Variants in FOXP1 observed in about 807,000 individuals in gnomAD.
The protein encoded by FOXP1 is forkhead box P1.
Under a neutral mutation model 98.2 loss-of-function variants are expected in FOXP1, and 15 were observed. The ratio of observed to expected loss-of-function variants is 0.15; its 90% CI spans 0.10 to 0.24. The LOEUF (loss-of-function observed/expected upper bound fraction) is 0.24. Ranked by LOEUF, FOXP1 falls within the 10% of genes least tolerant of loss-of-function variation. The pLI is 1.00. For missense variants in FOXP1, 633 were observed against 848.5 expected, an observed-to-expected ratio of 0.75 and a Z score of 3.15; for synonymous variants, 371 against 314.5, an observed-to-expected ratio of 1.18 and a Z score of -1.90.
intron 6 of FOXP1, among the ~76,000 whole-genome samples, chr3:71,113,445 A>G (rs2107755424): frequency 6.6e-6 from 1 of 152,280 alleles, no homozygotes; most frequent in South Asian, 2.1e-4. Flanking sequence ...TAAAAGTTCA[A>G]GCAGGCTGGG....
At chr3:71,132,284 T>C (rs2059612161) in intron 6 of FOXP1, among the ~76,000 whole-genome samples, 1 of 152,160 alleles carries the variant, frequency 6.6e-6, no homozygotes. Context: ...AAATGGCTAG[T>C]TATGGAATGA....
At chr3:71,445,829 C>T (rs182809842) in intron 3 of FOXP1, among the ~76,000 whole-genome samples, 24 of 151,920 alleles carry the variant, frequency 1.6e-4, no homozygotes, top group African/African-American at 5.8e-4. Flanking sequence ...CTGCGGATTA[C>T]AGGCACGTGA....
intron 3 of FOXP1, among the ~76,000 whole-genome samples, chr3:71,390,496 G>T (rs1577261633): frequency 6.6e-6 from 1 of 150,462 alleles, no homozygotes; most frequent in Non-Finnish European, 1.5e-5. Context: ...TATCCTTACT[G>T]CAAGGCTTCT....
At chr3:71,026,993 G>A (rs1251341576) in intron 11 of FOXP1, among the ~76,000 whole-genome samples, 2 of 152,142 alleles carry the variant, frequency 1.3e-5, no homozygotes, top group Non-Finnish European at 2.9e-5. Flanking sequence ...CACCAGTAAG[G>A]GCTATTCTGA....
chr3:71,434,250 G>A, intron 3 of FOXP1, among the ~76,000 whole-genome samples: 1 of 152,090 alleles, frequency 6.6e-6, no homozygotes. Flanking sequence ...AGAAAATAAT[G>A]ACGTTAGGCA....
intron 6 of FOXP1, among the ~76,000 whole-genome samples, chr3:71,181,478 T>C (rs938628877): frequency 6.6e-6 from 1 of 152,214 alleles, no homozygotes; most frequent in Non-Finnish European, 1.5e-5. Flanking sequence ...TGGCAAAACT[T>C]GCCCAACTTC....
rs886058855 is a variant in FOXP1 at position 70,958,679 on chromosome 3, AT to A, written c.*567del. 23 of 156,228 alleles carry A rather than the reference AT, an allele frequency of 1.5e-4. No individual in the cohort carries two copies. Among genetic ancestry groups the A allele is most frequent in the African/African-American group, 5.9e-4 (20 of 33,858 alleles). The allele number at this position is 156,228 out of a possible 1,614,324, so 9.7% of individuals were successfully genotyped here. ...ATACATTAAAAAGTTTGGGATAATT[AT>A]TTTTTAACCCCTCCCCCCAATACAC... On this transcript the variant is annotated 3_prime_UTR_variant, in exon 21 of 21. Transcript: ENST00000649528.
At chr3:71,464,625 T>G (rs2088505089) in intron 3 of FOXP1, among the ~76,000 whole-genome samples, 1 of 152,162 alleles carries the variant, frequency 6.6e-6, no homozygotes. Flanking sequence ...AAAACAGCCC[T>G]TCTCCATAGG....
intron 11 of FOXP1, among the ~76,000 whole-genome samples, chr3:71,028,581 G>A (rs2046439358): frequency 6.6e-6 from 1 of 152,210 alleles, no homozygotes; most frequent in African/African-American, 2.4e-5. Context: ...TCTTACAGAA[G>A]TGCTCGCCAA....
intron 6 of FOXP1, among the ~76,000 whole-genome samples, chr3:71,192,884 A>G (rs1445930851): frequency 6.6e-6 from 1 of 152,178 alleles, no homozygotes; most frequent in Non-Finnish European, 1.5e-5. Context: ...TCCTCAGCTC[A>G]AGGAATCTGC....
intron 2 of FOXP1, among the ~76,000 whole-genome samples, chr3:71,518,740 T>C (rs2042760577): frequency 6.6e-6 from 1 of 152,236 alleles, no homozygotes; most frequent in Admixed American, 6.5e-5. Flanking sequence ...GTTTGAGTCA[T>C]TAAACATTTG....
intron 4 of FOXP1, among the ~76,000 whole-genome samples, chr3:71,351,175 G>C (rs1414727411): frequency 6.6e-6 from 1 of 152,184 alleles, no homozygotes; most frequent in Non-Finnish European, 1.5e-5. Context: ...CCAACAGGGA[G>C]CACAGCACAG....
intron 11 of FOXP1, among the ~76,000 whole-genome samples, chr3:71,033,526 T>C (rs945416373): frequency 5.3e-5 from 8 of 149,706 alleles, no homozygotes; most frequent in African/African-American, 9.8e-5. Flanking sequence ...AGGCACTTTA[T>C]TGAGGTAAGG....
chr3:71,435,879 G>A (rs144289656), intron 3 of FOXP1, among the ~76,000 whole-genome samples: 27 of 16,084 alleles, frequency 1.7e-3, no homozygotes, highest in Admixed American at 3.3e-3. Context: ...GAGGGAGGGA[G>A]GAAGGGACGG....
chr3:71,541,930 A>T, intron 2 of FOXP1: 1 of 520,946 alleles, frequency 1.9e-6, no homozygotes, highest in Non-Finnish European at 3.9e-6. Context: ...GACTCTGGTC[A>T]AACTACTCCT....
rs146966951 is a variant in FOXP1, at chr3:71,506,534, C to T, written c.-297-12979G>A. 9.2e-3 allele frequency among the ~76,000 whole-genome samples: 1,403 copies of T among 152,276 alleles called. 29 individuals carry two copies. Among genetic ancestry groups the T allele is most frequent in the African/African-American group, 0.032 (1,333 of 41,536 alleles). ...TAACTTTTCCAACTAAGGGGTTCCACGGTATCCTTCCCCCAGTACCAGGCA... is the reference window on the plus strand; with the variant it reads ...TAACTTTTCCAACTAAGGGGTTCCATGGTATCCTTCCCCCAGTACCAGGCA... On this transcript the variant is annotated intron_variant, in intron 2 of 20. Transcript: ENST00000649528.
intron 4 of FOXP1, among the ~76,000 whole-genome samples, chr3:71,350,545 T>C (rs1441197807): frequency 3.3e-5 from 5 of 152,130 alleles, no homozygotes; most frequent in Non-Finnish European, 1.5e-5. Context: ...AAGAGAAGAA[T>C]GAATAGAAGG....
intron 3 of FOXP1, among the ~76,000 whole-genome samples, chr3:71,376,939 A>T (rs1490358562): frequency 6.6e-6 from 1 of 152,126 alleles, no homozygotes; most frequent in Non-Finnish European, 1.5e-5. Context: ...TTTTTTTTTA[A>T]CCTACAGAAA....
intron 4 of FOXP1, among the ~76,000 whole-genome samples, chr3:71,339,149 T>C (rs1353475616): frequency 6.6e-6 from 1 of 152,244 alleles, no homozygotes; most frequent in Non-Finnish European, 1.5e-5. Flanking sequence ...ATGAAATCTA[T>C]TATGATGTCA....
Sources: gnomAD v4.1 joint callset for allele counts (sites outside exome capture counted in the v4.1 genomes callset) on GRCh38, gnomAD v4.1.1 for gene constraint, MANE v1.5 for transcripts, NCBI Gene and HGNC (gene_info 2026-07-23, HGNC 2026-07-21) for gene names.